SGCZ: variants seen among roughly 807,000 people sequenced by gnomAD.
SGCZ encodes the protein zeta-sarcoglycan.
A neutral mutation model predicts 41.3 loss-of-function variants in SGCZ; 40 were observed. That is an observed-to-expected ratio of 0.97 (90% CI 0.75 to 1.26). The LOEUF is 1.26. Among genes scored for constraint, SGCZ ranks in the 50% most tolerant of loss-of-function variants. SGCZ has a pLI of 0.00. For missense variants in SGCZ, 552 were observed against 369.8 expected (o/e 1.49, Z -4.04); for synonymous variants, 206 against 137.5 (o/e 1.50, Z -3.49).
intron 5 of SGCZ, among the ~76,000 whole-genome samples, chr8:14,149,968 C>T (rs923433246): frequency 3.9e-5 from 6 of 152,044 alleles, no homozygotes; most frequent in Non-Finnish European, 7.4e-5. Context: ...AACTGGATAT[C>T]CATACACCAA....
chr8:14,949,589 GA>G (rs1388211095), intron 1 of SGCZ, among the ~76,000 whole-genome samples: 3 of 152,050 alleles, frequency 2.0e-5, no homozygotes, highest in Non-Finnish European at 4.4e-5. Flanking sequence ...ATTGAGCACT[GA>G]AGGCAAGATA....
At chr8:14,828,030 A>G (rs117556293) in intron 1 of SGCZ, among the ~76,000 whole-genome samples, 5,286 of 152,330 alleles carry the variant, frequency 0.035, 147 homozygotes, top group Admixed American at 0.072. Flanking sequence ...CAGGACCTCA[A>G]CTGAAACACT....
In SGCZ at chr8:14,866,302, G is replaced by T. The variant is rs1045967327; in HGVS notation, c.40-311376C>A. 2.0e-5 allele frequency among the ~76,000 whole-genome samples: 3 copies of T among 151,868 alleles called. No individual in the cohort carries two copies. The South Asian group carries it at 6.2e-4, about 32-fold the overall frequency. ...TGTATTTAAAATAAACCTTCTCTCG[G>T]GGCCAATCAATGGAATTGCTACTAC... On this transcript the variant is annotated intron_variant, in intron 1 of 7. Transcript: ENST00000382080.
chr8:14,935,052 G>C (rs1234824936), intron 1 of SGCZ, among the ~76,000 whole-genome samples: 3 of 149,242 alleles, frequency 2.0e-5, no homozygotes, highest in Non-Finnish European at 1.5e-5. Context: ...TGAAAACTGA[G>C]ATGATTTCTA....
intron 1 of SGCZ, among the ~76,000 whole-genome samples, chr8:15,092,222 T>C (rs1292978645): frequency 6.6e-6 from 1 of 152,212 alleles, no homozygotes; most frequent in Admixed American, 6.5e-5. Context: ...CTCTAACCAT[T>C]AGTTTAGCTA....
At chr8:14,891,599 A>T (rs1036887397) in intron 1 of SGCZ, among the ~76,000 whole-genome samples, 2 of 152,220 alleles carry the variant, frequency 1.3e-5, no homozygotes, top group Non-Finnish European at 2.9e-5. Flanking sequence ...ACAACAAAGG[A>T]TTCAGAATAT....
At chr8:14,664,046 C>A (rs1807833364) in intron 1 of SGCZ, among the ~76,000 whole-genome samples, 1 of 152,126 alleles carries the variant, frequency 6.6e-6, no homozygotes, top group African/African-American at 2.4e-5. Context: ...TATGTTAAAG[C>A]TCTCTGATAG....
At chr8:14,737,699 C>T (rs1799082775) in intron 1 of SGCZ, among the ~76,000 whole-genome samples, 1 of 152,030 alleles carries the variant, frequency 6.6e-6, no homozygotes, top group Non-Finnish European at 1.5e-5. Flanking sequence ...GCCTTCTCTC[C>T]ATAACTGTGT....
chr8:14,241,481 T>C (rs1356179362), intron 3 of SGCZ, among the ~76,000 whole-genome samples: 1 of 148,434 alleles, frequency 6.7e-6, no homozygotes, highest in African/African-American at 2.4e-5. Flanking sequence ...CTATATATAA[T>C]ATATAGCATC....
Position 15,205,751 on chromosome 8 carries a change from C to G in SGCZ, c.39+31834G>C, listed in dbSNP as rs148752840. On this transcript the variant is annotated intron_variant, in intron 1 of 7. Transcript: ENST00000382080. ...CAGAACTACCATTCGCCTCAGCAAT[C>G]CCATTACTGGGTATATACCCAGAGG... is the stretch of plus-strand genomic sequence containing the variant. Among the ~76,000 whole-genome samples, 4 of 152,282 alleles carry G rather than the reference C, an allele frequency of 2.6e-5. No homozygotes were observed. In the East Asian group the frequency reaches 7.7e-4, roughly 29 times the overall value.
At chr8:14,145,795 G>GT (rs1339328591) in intron 5 of SGCZ, among the ~76,000 whole-genome samples, 11 of 152,260 alleles carry the variant, frequency 7.2e-5, no homozygotes, top group African/African-American at 2.6e-4. Context: ...GCTGAAAAAT[G>GT]TAACTGGCAT....
chr8:14,483,916 G>A (rs1358893643), intron 2 of SGCZ, among the ~76,000 whole-genome samples: 1 of 152,184 alleles, frequency 6.6e-6, no homozygotes, highest in East Asian at 1.9e-4. Flanking sequence ...ACCCTAACAT[G>A]TATGTTCTGA....
chr8:15,089,062 G>GA (rs1322356010), intron 1 of SGCZ, among the ~76,000 whole-genome samples: 1 of 152,008 alleles, frequency 6.6e-6, no homozygotes, highest in Non-Finnish European at 1.5e-5. Context: ...ATTAGCAGTG[G>GA]AAAAAACGAT....
intron 3 of SGCZ, among the ~76,000 whole-genome samples, chr8:14,283,965 C>G (rs1395251452): frequency 2.0e-5 from 3 of 152,138 alleles, no homozygotes; most frequent in Non-Finnish European, 4.4e-5. Context: ...CCTTTCATTT[C>G]TTTCAACTTT....
chr8:14,942,643 G>A (rs973323704), intron 1 of SGCZ, among the ~76,000 whole-genome samples: 21 of 152,032 alleles, frequency 1.4e-4, no homozygotes, highest in African/African-American at 3.9e-4. Flanking sequence ...GTATGCCTCC[G>A]TAACACCCAT....
chr8:14,856,217 T>C (rs929718140), intron 1 of SGCZ, among the ~76,000 whole-genome samples: 1 of 152,298 alleles, frequency 6.6e-6, no homozygotes, highest in South Asian at 2.1e-4. Flanking sequence ...AGATAAGTTA[T>C]GATTCAATGA....
intron 1 of SGCZ, among the ~76,000 whole-genome samples, chr8:15,143,004 G>C (rs769496586): frequency 1.3e-5 from 2 of 152,206 alleles, no homozygotes; most frequent in African/African-American, 2.4e-5. Flanking sequence ...TTTTGAGAAG[G>C]ACGTACTGTC....
intron 1 of SGCZ, among the ~76,000 whole-genome samples, chr8:14,814,388 C>T (rs1046278523): frequency 6.6e-6 from 1 of 152,054 alleles, no homozygotes; most frequent in African/African-American, 2.4e-5. Context: ...GGCAAAGATT[C>T]AAAGAGCTAC....
chr8:14,567,053 C>A (rs1288538394), intron 1 of SGCZ, among the ~76,000 whole-genome samples: 1 of 152,220 alleles, frequency 6.6e-6, no homozygotes, highest in Non-Finnish European at 1.5e-5. Context: ...CTCAATTTCT[C>A]CCTGGGTCTT....
Sources: gnomAD v4.1 joint callset for allele counts (sites outside exome capture counted in the v4.1 genomes callset) on GRCh38, gnomAD v4.1.1 for gene constraint, MANE v1.5 for transcripts, NCBI Gene and HGNC (gene_info 2026-07-23, HGNC 2026-07-21) for gene names.